The following CXCL13 variants were observed in gnomAD, a reference collection of about 807,000 sequenced individuals.
The protein encoded by CXCL13 is C-X-C motif chemokine 13.
CXCL13 carries 7 observed loss-of-function variants against 12.2 expected under a neutral mutation model. The observed-to-expected ratio is 0.57, with a 90% CI of 0.33 to 1.07. The LOEUF (loss-of-function observed/expected upper bound fraction) is 1.07, where lower values mean the gene tolerates loss of function less well. Ranked by LOEUF, CXCL13 falls within the 50% of genes least tolerant of loss-of-function variation. The pLI is 0.04. For missense variants in CXCL13, 113 were observed against 127.4 expected, an observed-to-expected ratio of 0.89 and a Z score of 0.55; for synonymous variants, 47 against 42.4, an observed-to-expected ratio of 1.11 and a Z score of -0.42.
At chr4:77,544,850 G>T (rs1256402121) in intron 1 of CXCL13, among the ~76,000 whole-genome samples, 8 of 152,120 alleles carry the variant, frequency 5.3e-5, no homozygotes, top group Admixed American at 3.9e-4. Context: ...GTATTGCCTA[G>T]GTTTTCTTCT....
chr4:77,562,073 C>T (rs913697026), intron 1 of CXCL13, among the ~76,000 whole-genome samples: 13 of 152,142 alleles, frequency 8.5e-5, no homozygotes, highest in South Asian at 2.1e-4. Context: ...GGGCTGCGCT[C>T]GAATTCTCGC....
chr4:77,527,198 CTGT>C (rs1471105829), intron 1 of CXCL13, among the ~76,000 whole-genome samples: 56 of 152,268 alleles, frequency 3.7e-4, no homozygotes, highest in South Asian at 1.7e-3. Context: ...AAATGTAGCA[CTGT>C]ACACCGATTG....
chr4:77,532,174 G>C (rs537045017), intron 1 of CXCL13, among the ~76,000 whole-genome samples: 1 of 152,290 alleles, frequency 6.6e-6, no homozygotes, highest in South Asian at 2.1e-4. Flanking sequence ...TGTTTTTGCA[G>C]TGGCTGGTAC....
At chr4:77,547,717 A>T (rs548061252) in intron 1 of CXCL13, among the ~76,000 whole-genome samples, 2 of 152,176 alleles carry the variant, frequency 1.3e-5, no homozygotes, top group African/African-American at 4.8e-5. Flanking sequence ...TAAATTGGGC[A>T]TTTAGTCCAT....
chr4:77,557,901 A>T (rs1259246606), intron 1 of CXCL13, among the ~76,000 whole-genome samples: 1 of 152,078 alleles, frequency 6.6e-6, no homozygotes, highest in Non-Finnish European at 1.5e-5. Context: ...CTTTTCTACC[A>T]TCTACCTTGG....
intron 1 of CXCL13, among the ~76,000 whole-genome samples, chr4:77,607,074 G>A (rs1473995394): frequency 6.6e-6 from 1 of 152,222 alleles, no homozygotes. Context: ...GAGGAAAGGG[G>A]AGGATGGCAG....
chr4:77,603,430 G>A (rs1012382238), upstream of CXCL13, among the ~76,000 whole-genome samples: 1 of 152,212 alleles, frequency 6.6e-6, no homozygotes, highest in African/African-American at 2.4e-5. Context: ...AGCCATAATT[G>A]AGGTAATACA....
Position 77,551,218 on chromosome 4 carries a change from G to C in CXCL13, c.-43+39430G>C, listed in dbSNP as rs80339452. Among the ~76,000 whole-genome samples, 1,098 of 152,284 alleles carry C rather than the reference G, an allele frequency of 7.2e-3. 22 individuals are homozygous for C. Among genetic ancestry groups the C allele is most frequent in the East Asian group, 0.027 (141 of 5,180 alleles). On this transcript the variant is annotated intron_variant, in intron 1 of 4. Transcript: ENST00000286758. ...ATTGTGTGGTTGGTTTATAGGTTCTGTGGGCTATGTACTTTAGTGTGTTTT... is the reference window on the plus strand; with the variant it reads ...ATTGTGTGGTTGGTTTATAGGTTCTCTGGGCTATGTACTTTAGTGTGTTTT...
chr4:77,605,960 G>T lies in CXCL13; in HGVS notation c.64+31G>T, dbSNP rs201522414. 31 of 1,509,240 alleles carry T rather than the reference G, an allele frequency of 2.1e-5. No homozygotes were observed. In the African/African-American group the frequency reaches 3.1e-4, roughly 15 times the overall value. 93.5% of individuals were successfully genotyped at this position (1,509,240 alleles called of 1,614,324 possible). On this transcript the variant is annotated intron_variant, in intron 1 of 3. Coordinates refer to ENST00000682537, the MANE Select transcript of CXCL13 (RefSeq NM_001371558.1). Reference sequence around the variant, plus strand: ...AAATTTCATTTACATTTCACTGTTTGTTGAACAGAAATAGTCTTTAACCAC... The same window carrying T: ...AAATTTCATTTACATTTCACTGTTTTTTGAACAGAAATAGTCTTTAACCAC...
chr4:77,534,395 T>A (rs924532499), intron 1 of CXCL13, among the ~76,000 whole-genome samples: 1 of 152,156 alleles, frequency 6.6e-6, no homozygotes, highest in Non-Finnish European at 1.5e-5. Flanking sequence ...ATACATGAAA[T>A]ACTACCCAGA....
At chr4:77,535,080 G>A (rs899800081) in intron 1 of CXCL13, among the ~76,000 whole-genome samples, 2 of 152,182 alleles carry the variant, frequency 1.3e-5, no homozygotes, top group Admixed American at 6.5e-5. Context: ...CAAATTCACA[G>A]TGTCCTCACA....
intron 1 of CXCL13, among the ~76,000 whole-genome samples, chr4:77,518,617 C>T (rs371801374): frequency 3.9e-5 from 6 of 152,174 alleles, no homozygotes; most frequent in African/African-American, 7.2e-5. Context: ...TTCTTCACGT[C>T]GTTCTCGAGC....
chr4:77,535,793 TG>T (rs1250800130), intron 1 of CXCL13, among the ~76,000 whole-genome samples: 1 of 152,188 alleles, frequency 6.6e-6, no homozygotes, highest in East Asian at 1.9e-4. Flanking sequence ...TTCAAGTGAA[TG>T]TGCCTTTAGA....
chr4:77,576,155 A>C (rs754031569), intron 1 of CXCL13, among the ~76,000 whole-genome samples: 3 of 150,320 alleles, frequency 2.0e-5, no homozygotes, highest in Non-Finnish European at 4.4e-5. Flanking sequence ...ATAAAGGAAA[A>C]ATGTACAGGA....
At chr4:77,608,290 AT>A (rs1727043952) in intron 2 of CXCL13, among the ~76,000 whole-genome samples, 1 of 152,048 alleles carries the variant, frequency 6.6e-6, no homozygotes, top group Admixed American at 6.5e-5. Context: ...AAAATACAAA[AT>A]TAGCCGGGTG....
intron 1 of CXCL13, among the ~76,000 whole-genome samples, chr4:77,538,720 C>T (rs1489325657): frequency 6.6e-6 from 1 of 152,142 alleles, no homozygotes; most frequent in Admixed American, 6.5e-5. Context: ...TATCTGAGCT[C>T]AGTACTGGGG....
At chr4:77,568,835 C>T (rs995157333) in intron 1 of CXCL13, among the ~76,000 whole-genome samples, 1 of 152,102 alleles carries the variant, frequency 6.6e-6, no homozygotes, top group Non-Finnish European at 1.5e-5. Flanking sequence ...CTTAGTTTTG[C>T]CTTTCCTTGT....
chr4:77,545,918 T>C (rs553405310), intron 1 of CXCL13, among the ~76,000 whole-genome samples: 1 of 152,180 alleles, frequency 6.6e-6, no homozygotes, highest in African/African-American at 2.4e-5. Context: ...TTGAGATACA[T>C]CCCATCAGTA....
At chr4:77,559,715 G>T (rs1231013184) in intron 1 of CXCL13, among the ~76,000 whole-genome samples, 1 of 152,056 alleles carries the variant, frequency 6.6e-6, no homozygotes, top group African/African-American at 2.4e-5. Flanking sequence ...GAGGTCAGGA[G>T]ATCGAGACCA....
Sources: allele counts gnomAD v4.1 joint callset (sites outside exome capture counted in the v4.1 genomes callset), GRCh38; gene constraint gnomAD v4.1.1; transcripts MANE v1.5; gene names NCBI Gene and HGNC (gene_info 2026-07-23, HGNC 2026-07-21).